ZDHHC20: variants seen among roughly 807,000 people sequenced by gnomAD.
The protein encoded by ZDHHC20 is zDHHC palmitoyltransferase 20.
A neutral mutation model predicts 57.8 loss-of-function variants in ZDHHC20; 43 were observed. That is an observed-to-expected ratio of 0.74 (90% CI 0.58 to 0.96). The LOEUF is 0.96. ZDHHC20 is among the 40% of genes least tolerant of loss of function. The pLI, the probability that ZDHHC20 is intolerant of heterozygous loss-of-function variation, is 0.00. For synonymous variants in ZDHHC20, 157 were observed against 153.0 expected, an observed-to-expected ratio of 1.03 and a Z score of -0.19; for missense variants, 391 against 441.1, an observed-to-expected ratio of 0.89 and a Z score of 1.02.
intron 1 of ZDHHC20, among the ~76,000 whole-genome samples, chr13:21,439,712 T>C (rs971486274): frequency 5.3e-5 from 8 of 152,106 alleles, no homozygotes; most frequent in Admixed American, 2.0e-4. Flanking sequence ...GGCCTACAGA[T>C]TAAAGAGTAG....
intron 1 of ZDHHC20, among the ~76,000 whole-genome samples, chr13:21,433,774 T>C (rs1882254988): frequency 6.6e-6 from 1 of 152,212 alleles, no homozygotes; most frequent in South Asian, 2.1e-4. Context: ...AATATTGTCT[T>C]ACAGCCCATG....
chr13:21,386,556 G>C (rs577587827), intron 9 of ZDHHC20, among the ~76,000 whole-genome samples: 16 of 152,176 alleles, frequency 1.1e-4, no homozygotes, highest in Middle Eastern at 3.4e-3. Flanking sequence ...AAAATTTTTT[G>C]TTTTGTTTTT....
intron 3 of ZDHHC20, among the ~76,000 whole-genome samples, chr13:21,415,656 C>A (rs1879863814): frequency 6.6e-6 from 1 of 152,180 alleles, no homozygotes; most frequent in Non-Finnish European, 1.5e-5. Context: ...GGCATGTTCT[C>A]TTTTAAGAGA....
intron 1 of ZDHHC20, among the ~76,000 whole-genome samples, chr13:21,442,194 A>G (rs1448076041): frequency 6.6e-6 from 1 of 152,204 alleles, no homozygotes; most frequent in African/African-American, 2.4e-5. Flanking sequence ...GTGAATTATA[A>G]TAATGAATCT....
intron 1 of ZDHHC20, among the ~76,000 whole-genome samples, chr13:21,440,091 A>G: frequency 7.7e-6 from 1 of 130,164 alleles, no homozygotes; most frequent in African/African-American, 2.9e-5. Flanking sequence ...AAAAAAAAAA[A>G]AAAAAAAGAC....
chr13:21,387,460 G>A (rs1256284181), intron 9 of ZDHHC20, 48 bp downstream of exon 9: 1 of 1,383,260 alleles, frequency 7.2e-7, no homozygotes, highest in African/African-American at 1.5e-5. Context: ...CAGAAAAAGA[G>A]ACTACCACAG....
intron 1 of ZDHHC20, among the ~76,000 whole-genome samples, chr13:21,432,169 T>G (rs555031395): frequency 1.3e-5 from 2 of 152,244 alleles, no homozygotes; most frequent in South Asian, 4.1e-4. Flanking sequence ...TTTCATATTT[T>G]ATTTTATTAT....
At chr13:21,379,816 T>C (rs2872955) in intron 11 of ZDHHC20, among the ~76,000 whole-genome samples, 1 of 116,224 alleles carries the variant, frequency 8.6e-6, no homozygotes, top group Non-Finnish European at 1.8e-5. Flanking sequence ...GCTCTTTTTT[T>C]TCTTTTTTCT....
At chr13:21,448,184 G>A (rs1398120286) in intron 1 of ZDHHC20, among the ~76,000 whole-genome samples, 10 of 100,858 alleles carry the variant, frequency 9.9e-5, no homozygotes, top group South Asian at 5.7e-4. Flanking sequence ...CCGTCCGGGA[G>A]GGAGGTGGGG....
chr13:21,378,458 C>T (rs1029881243), intron 12 of ZDHHC20, among the ~76,000 whole-genome samples: 3 of 151,974 alleles, frequency 2.0e-5, no homozygotes, highest in African/African-American at 7.3e-5. Context: ...CATTAATTTA[C>T]CAACAAATAA....
chr13:21,381,433 C>T lies in ZDHHC20; in HGVS notation c.1060+1G>A, dbSNP rs1327573931. 1.2e-6 allele frequency: 2 copies of T among 1,609,818 alleles called. No homozygotes were observed. Among genetic ancestry groups the T allele is most frequent in the Middle Eastern group, 1.6e-4 (1 of 6,068 alleles). Reference sequence around the variant, plus strand: ...GCAGTGTTTCAAATGAGAACTATTACCTGATTTGACGATGCCTTCTTCAGC... The same window carrying T: ...GCAGTGTTTCAAATGAGAACTATTATCTGATTTGACGATGCCTTCTTCAGC... On this transcript the variant is annotated splice_donor_variant, in intron 11 of 12. Coordinates refer to ENST00000400590, the MANE Select transcript of ZDHHC20 (RefSeq NM_001330059.2). LOFTEE classifies it high-confidence loss of function.
chr13:21,394,923 T>C (rs2137755003), intron 7 of ZDHHC20, among the ~76,000 whole-genome samples: 1 of 152,338 alleles, frequency 6.6e-6, no homozygotes, highest in African/African-American at 2.4e-5. Flanking sequence ...CATCTAATGA[T>C]GTTTAAATCC....
intron 1 of ZDHHC20, among the ~76,000 whole-genome samples, chr13:21,447,956 C>T (rs1298468202): frequency 2.9e-5 from 3 of 103,352 alleles, no homozygotes; most frequent in Non-Finnish European, 6.4e-5. Context: ...ATGTGAGGAG[C>T]GCCTCTGCCC....
rs1166601175 is a variant in ZDHHC20, at chr13:21,372,589, T to C, written c.*4107A>G. On this transcript the variant is annotated 3_prime_UTR_variant, in exon 13 of 13. Coordinates refer to ENST00000400590, the MANE Select transcript of ZDHHC20 (RefSeq NM_001330059.2). ...AAAACACTTCAAATACAAGACTTTG[T>C]TTATTAATAAAGTAATTCATTATGA... 6.6e-6 allele frequency: 1 copy of C among 152,188 alleles called. No homozygotes were observed. The highest frequency in any genetic ancestry group is 1.5e-5 in the Non-Finnish European group (1 of 68,020). 9.4% of individuals were successfully genotyped at this position (152,188 alleles called of 1,614,324 possible).
rs367676708 is a variant in ZDHHC20 at position 21,429,164 on chromosome 13, T to C, written c.119-3486A>G. On this transcript the variant is annotated intron_variant, in intron 1 of 12. Transcript: ENST00000400590. ...AGTATACTTGTATCTACTATGGCTA[T>C]GGGATCCAGTTCTTGCAAATGGATA... is the stretch of plus-strand genomic sequence containing the variant. Among the ~76,000 whole-genome samples, 446 of 152,296 alleles carry C rather than the reference T, an allele frequency of 2.9e-3. 4 individuals carry two copies. The highest frequency in any genetic ancestry group is 0.01 in the African/African-American group (429 of 41,566).
chr13:21,381,720 C>G (rs1873454560), intron 10 of ZDHHC20, among the ~76,000 whole-genome samples, 171 bp from the exon 11 acceptor site: 2 of 152,122 alleles, frequency 1.3e-5, no homozygotes, highest in Admixed American at 6.6e-5. Flanking sequence ...CCCACAACCC[C>G]CCATTAAATG....
Position 21,425,668 on chromosome 13 carries a change from A to T in ZDHHC20, c.129T>A (p.Phe43Leu). Residue 43 changes from phenylalanine to leucine, a missense_variant, in exon 2 of 13, where the codon TTT becomes TTA. Phe to Leu is a conservative substitution (Grantham distance 22, BLOSUM62 0). Around this residue, in one of 3 missense-constraint regions of ZDHHC20, gnomAD observed 185 missense variants for 188.0 expected, o/e 0.98. Transcript: ENST00000400590. ...GTGCCTTACCATTTTCTTCATTTCC[A>T]AAAATAGTAACTAGAATAGAAGAAA... Reference protein sequence around the residue: ...YVVELCVFTIFGNEENGKTVV... With the variant: ...YVVELCVFTILGNEENGKTVV... The T allele has an allele frequency of 8.5e-7, 1 of 1,181,468 alleles. No homozygotes were observed. Among genetic ancestry groups the T allele is most frequent in the Non-Finnish European group, 1.1e-6 (1 of 875,184 alleles). 73.2% of individuals were successfully genotyped at this position (1,181,468 alleles called of 1,614,324 possible).
At chr13:21,425,297 G>A (rs908152794) in intron 2 of ZDHHC20, among the ~76,000 whole-genome samples, 6 of 151,936 alleles carry the variant, frequency 3.9e-5, no homozygotes, top group African/African-American at 1.5e-4. Flanking sequence ...CATCATGAAA[G>A]CAGAATTGTC....
intron 8 of ZDHHC20, among the ~76,000 whole-genome samples, chr13:21,389,571 CA>C (rs552479856): frequency 6.6e-6 from 1 of 151,456 alleles, no homozygotes; most frequent in Non-Finnish European, 1.5e-5. Context: ...TGGCCACCGG[CA>C]AAAAAAAGTT....
Sources: gnomAD v4.1 joint callset for allele counts (sites outside exome capture counted in the v4.1 genomes callset) on GRCh38, gnomAD v4.1.1 for gene constraint, gnomAD v4.1.1 regional missense constraint, MANE v1.5 for transcripts, NCBI Gene and HGNC (gene_info 2026-07-23, HGNC 2026-07-21) for gene names.